The following WNK1 variants were observed in gnomAD, a reference collection of about 807,000 sequenced individuals.
WNK1 encodes WNK lysine deficient protein kinase 1, also known as serine/threonine-protein kinase WNK1.
Under a neutral mutation model 222.8 loss-of-function variants are expected in WNK1, and 38 were observed. The ratio of observed to expected loss-of-function variants is 0.17; its 90% CI spans 0.13 to 0.22. The LOEUF (loss-of-function observed/expected upper bound fraction) is 0.22. Ranked by LOEUF, WNK1 falls within the 10% of genes least tolerant of loss-of-function variation. The pLI, the probability that WNK1 is intolerant of heterozygous loss-of-function variation, is 1.00. For synonymous variants in WNK1, 1,090 were observed against 1,092.9 expected, an observed-to-expected ratio of 1.00 and a Z score of 0.05; for missense variants, 2,348 against 2,918.4, an observed-to-expected ratio of 0.80 and a Z score of 4.50.
intron 21 of WNK1, among the ~76,000 whole-genome samples, chr12:890,081 T>C (rs1389583463): frequency 2.0e-5 from 3 of 151,232 alleles, no homozygotes; most frequent in Non-Finnish European, 4.4e-5. Context: ...GCCTCCCGAG[T>C]AGCTGGGATT....
chr12:884,000 C>A, intron 17 of WNK1, 121 bp from the exon 18 acceptor site: 2 of 1,528,398 alleles, frequency 1.3e-6, no homozygotes, highest in Non-Finnish European at 1.8e-6. Context: ...TGCACTCCAG[C>A]CTGGGTGAGA....
intron 1 of WNK1, among the ~76,000 whole-genome samples, chr12:786,652 C>T (rs567059882): frequency 2.6e-5 from 4 of 151,884 alleles, no homozygotes; most frequent in Non-Finnish European, 4.4e-5. Flanking sequence ...ATTTTAGTAG[C>T]GACAGGGTTT....
intron 1 of WNK1, among the ~76,000 whole-genome samples, chr12:774,408 T>A (rs1942880569): frequency 6.6e-6 from 1 of 152,176 alleles, no homozygotes; most frequent in African/African-American, 2.4e-5. Context: ...GCCTGGACTT[T>A]CTCAGACAGA....
At position 884,564 on chromosome 12, in the gene WNK1, A is replaced by G. The variant is rs760352056; in HGVS notation, c.3845-85A>G. 23 of 1,355,372 alleles carry G rather than the reference A, an allele frequency of 1.7e-5. No individual in the cohort carries two copies. Among genetic ancestry groups the G allele is most frequent in the Non-Finnish European group, 2.3e-5 (22 of 954,684 alleles). The allele number at this position is 1,355,372 out of a possible 1,614,324, so 84.0% of individuals were successfully genotyped here. A position where few individuals can be genotyped will look rare whatever the true frequency, so the allele number is the denominator to read the frequency against. On this transcript the variant is annotated intron_variant, in intron 18 of 27. Transcript: ENST00000315939. This position sits in a 1 kb window ranked among gnomAD's most constrained non-coding sequence, Gnocchi z 5.6. The stretch of plus-strand genomic sequence containing the variant: ...TTTTTTATCAAAAACAGATATTTAT[A>G]GGAGCTGACTTAGGCTAGCAGACAA...
intron 1 of WNK1, among the ~76,000 whole-genome samples, chr12:775,561 A>G (rs1034719856): frequency 6.6e-6 from 1 of 152,178 alleles, no homozygotes; most frequent in Non-Finnish European, 1.5e-5. Flanking sequence ...AAAAATTAAC[A>G]TATTAGCTGA....
chr12:840,291 C>CTTT (rs71441622), intron 4 of WNK1, among the ~76,000 whole-genome samples: 45 of 128,406 alleles, frequency 3.5e-4, no homozygotes, highest in Middle Eastern at 4.1e-3. Flanking sequence ...CCATGTCCAG[C>CTTT]TTTTTTTTTT....
intron 22 of WNK1, among the ~76,000 whole-genome samples, chr12:892,900 C>T (rs1025082391): frequency 2.0e-5 from 3 of 152,108 alleles, no homozygotes; most frequent in Non-Finnish European, 4.4e-5. Context: ...AATAATTCAG[C>T]ACTTTCATTG....
At chr12:876,168 G>A (rs1382806573) in intron 9 of WNK1, among the ~76,000 whole-genome samples, 1 of 152,134 alleles carries the variant, frequency 6.6e-6, no homozygotes, top group Non-Finnish European at 1.5e-5. Flanking sequence ...CTAGCACTTT[G>A]GGAGGCCGAG....
chr12:786,579 T>C (rs1944329356), intron 1 of WNK1, among the ~76,000 whole-genome samples: 1 of 151,534 alleles, frequency 6.6e-6, no homozygotes, highest in South Asian at 2.1e-4. Context: ...GTGATTCTCC[T>C]GCCTCAGTTT....
At chr12:771,583 T>C (rs1356683330) in intron 1 of WNK1, among the ~76,000 whole-genome samples, 1 of 152,028 alleles carries the variant, frequency 6.6e-6, no homozygotes, top group Non-Finnish European at 1.5e-5. Flanking sequence ...TACAGGGGTA[T>C]GCCACCACGT....
rs1592281849 is a variant in WNK1, at chr12:908,604, T to C, written c.6961T>C (p.Cys2321Arg). 1 of 1,614,224 alleles carries C rather than the reference T, an allele frequency of 6.2e-7. No individual in the cohort carries two copies. The highest frequency in any genetic ancestry group is 8.5e-7 in the Non-Finnish European group (1 of 1,180,040). Residue 2321 changes from cysteine to arginine, a missense_variant, in exon 28 of 28, where the codon TGC becomes CGC. Around this residue, in one of 13 missense-constraint regions of WNK1, gnomAD observed 76 missense variants for 85.7 expected, o/e 0.89. Coordinates refer to ENST00000315939, the MANE Select transcript of WNK1 (RefSeq NM_018979.4). ...TSLGHFTKSM[C>R]PPQQYGFPAT... ...TCTAGGTCACTTCACCAAGTCTATG[T>C]GCCCCCCACAGCAGTATGGCTTTCC...
At chr12:868,247 G>A (rs1951846166) in intron 8 of WNK1, 1 of 1,603,066 alleles carries the variant, frequency 6.2e-7, no homozygotes, top group Non-Finnish European at 8.5e-7. Flanking sequence ...TCCAGAAGAA[G>A]CTCACTATTT....
intron 25 of WNK1, among the ~76,000 whole-genome samples, chr12:898,620 G>A (rs541146332): frequency 6.6e-6 from 1 of 152,190 alleles, no homozygotes; most frequent in East Asian, 1.9e-4. Flanking sequence ...CCAGACTGGA[G>A]TGCAGTGGTG....
rs781380723 is a variant in WNK1, at chr12:884,236, A to T, written c.3837A>T (p.Thr1279=). The T allele has an allele frequency of 1.2e-6, 2 of 1,614,146 alleles. No individual in the cohort carries two copies. Among genetic ancestry groups the T allele is most frequent in the East Asian group, 4.5e-5 (2 of 44,872 alleles). Reference sequence around the variant, plus strand: ...CAAAAGTTTTCCCCAGTGAAATAACAGATACAGGTAAGGGATTGATTCTGC... The same window carrying T: ...CAAAAGTTTTCCCCAGTGAAATAACTGATACAGGTAAGGGATTGATTCTGC... ...RESKVFPSEI[T]DTVAASTAQS... is the part of the protein sequence containing the mutation. Residue 1279 remains threonine (T), a synonymous_variant, in exon 18 of 28, where the codon ACA becomes ACT. Transcript: ENST00000315939. The surrounding 1 kb of genome is among the most constrained non-coding windows in gnomAD (Gnocchi z 5.6).
chr12:866,921 C>T (rs553919460), intron 8 of WNK1, among the ~76,000 whole-genome samples: 8 of 152,106 alleles, frequency 5.3e-5, no homozygotes, highest in Non-Finnish European at 8.8e-5. Flanking sequence ...GTCAGGAGTT[C>T]GAGACCAGCC....
intron 5 of WNK1, among the ~76,000 whole-genome samples, chr12:858,181 G>A (rs1328186559): frequency 6.7e-6 from 1 of 149,138 alleles, no homozygotes; most frequent in Non-Finnish European, 1.5e-5. Flanking sequence ...ACAAAGGAAT[G>A]TTTGTTTCAA....
At chr12:825,895 A>C in intron 2 of WNK1, among the ~76,000 whole-genome samples, 1 of 152,198 alleles carries the variant, frequency 6.6e-6, no homozygotes, top group East Asian at 1.9e-4. Flanking sequence ...TTTTTCCTGA[A>C]TATTTCCAGA....
chr12:781,176 A>T (rs1439537409), intron 1 of WNK1: 1 of 155,864 alleles, frequency 6.4e-6, no homozygotes, highest in Non-Finnish European at 1.4e-5. Flanking sequence ...ATGAGCACAT[A>T]GTGAGGGCAG....
In WNK1 at chr12:862,212, T is replaced by C. The variant is rs61736905; in HGVS notation, c.2081T>C (p.Ile694Thr). ...AHSTGTVPGH[I>T]PSTVQAQSQP... ...TCTACAGGCACAGTCCCAGGGCATATACCTTCTACTGTCCAAGCACAGTCT... is the reference window on the plus strand; with the variant it reads ...TCTACAGGCACAGTCCCAGGGCATACACCTTCTACTGTCCAAGCACAGTCT... The change falls in exon 8 of 28, where the codon ATA becomes ACA. Residue 694 changes from isoleucine to threonine, a missense_variant. Ile to Thr is a moderately conservative substitution (Grantham distance 89). Transcript: ENST00000315939. 3.0e-3 allele frequency: 4,791 copies of C among 1,614,092 alleles called. 103 individuals are homozygous for C. In the African/African-American group the frequency reaches 0.052, roughly 18 times the overall value.
Sources: gnomAD v4.1 joint callset for allele counts (sites outside exome capture counted in the v4.1 genomes callset) on GRCh38, gnomAD v4.1.1 for gene constraint, gnomAD v4.1.1 regional missense constraint, Gnocchi (gnomAD v3.1) non-coding constraint, MANE v1.5 for transcripts, NCBI Gene and HGNC (gene_info 2026-07-23, HGNC 2026-07-21) for gene names.